EBF1: variants seen among roughly 807,000 people sequenced by gnomAD.
EBF1 encodes transcription factor COE1.
Under a neutral mutation model 68.4 loss-of-function variants are expected in EBF1, and 10 were observed. The ratio of observed to expected loss-of-function variants is 0.15; its 90% CI spans 0.09 to 0.25. The LOEUF is 0.25. Among genes scored for constraint, EBF1 ranks in the 10% least tolerant of loss-of-function variants. The pLI is 1.00. For synonymous variants in EBF1, 298 were observed against 299.8 expected, an observed-to-expected ratio of 0.99 and a Z score of 0.06; for missense variants, 509 against 794.4, an observed-to-expected ratio of 0.64 and a Z score of 4.32.
chr5:158,758,074 C>T (rs1229284374), intron 10 of EBF1, among the ~76,000 whole-genome samples: 2 of 152,112 alleles, frequency 1.3e-5, no homozygotes, highest in Admixed American at 6.6e-5. Flanking sequence ...GTACTTTACT[C>T]GTATTATTTC....
chr5:158,767,620 A>AGGGGGT (rs1773014250), intron 10 of EBF1, among the ~76,000 whole-genome samples: 2 of 94,822 alleles, frequency 2.1e-5, no homozygotes, highest in African/African-American at 8.3e-5. Flanking sequence ...GGGTGGCACC[A>AGGGGGT]GGGGGTGGGG....
chr5:158,696,004 A>AT lies in EBF1; in HGVS notation c.*3106dup, dbSNP rs1182918041. 1.6e-5 allele frequency: 3 copies of AT among 193,200 alleles called. No homozygotes were observed. Among genetic ancestry groups the AT allele is most frequent in the East Asian group, 1.6e-4 (2 of 12,400 alleles). The allele number at this position is 193,200 out of a possible 1,614,324, so 12.0% of individuals were successfully genotyped here. On this transcript the variant is annotated 3_prime_UTR_variant, in exon 16 of 16. Coordinates refer to ENST00000313708, the MANE Select transcript of EBF1 (RefSeq NM_024007.5). ...GAATTTTTGCAAAAAAAAAAAAAAA[A>AT]TTTAACAATCTCTACAGTAGTTAGG...
At chr5:158,941,209 G>A (rs1254529484) in intron 6 of EBF1, 1 of 455,840 alleles carries the variant, frequency 2.2e-6, no homozygotes, top group African/African-American at 2.0e-5. Context: ...ACTCATTCCA[G>A]ACACACACAT....
chr5:158,811,367 G>A (rs1217455331), intron 8 of EBF1, among the ~76,000 whole-genome samples: 1 of 152,148 alleles, frequency 6.6e-6, no homozygotes, highest in Admixed American at 6.5e-5. Context: ...TTCTCTCCAC[G>A]TCTGAAGTCC....
chr5:159,096,657 C>G (rs571176895), intron 2 of EBF1: 4 of 606,758 alleles, frequency 6.6e-6, no homozygotes, highest in Non-Finnish European at 1.2e-5. Flanking sequence ...CCTAGGGGCT[C>G]GTGCCCCGGC....
chr5:159,048,233 G>C (rs1772825446), intron 6 of EBF1, among the ~76,000 whole-genome samples: 1 of 152,174 alleles, frequency 6.6e-6, no homozygotes, highest in Non-Finnish European at 1.5e-5. Flanking sequence ...CAAGTACGCA[G>C]TAGGTACTCA....
At chr5:158,860,367 C>A (rs150675218) in intron 6 of EBF1, among the ~76,000 whole-genome samples, 1 of 152,152 alleles carries the variant, frequency 6.6e-6, no homozygotes, top group African/African-American at 2.4e-5. Flanking sequence ...TTCTTGTTCA[C>A]GACACTATTT....
intron 10 of EBF1, among the ~76,000 whole-genome samples, chr5:158,742,658 T>C (rs1318660989): frequency 6.6e-6 from 1 of 152,154 alleles, no homozygotes; most frequent in East Asian, 1.9e-4. Flanking sequence ...CAGGAAGATG[T>C]GGGGTTCTAG....
At chr5:159,009,124 T>C (rs909684597) in intron 6 of EBF1, among the ~76,000 whole-genome samples, 1 of 152,176 alleles carries the variant, frequency 6.6e-6, no homozygotes, top group African/African-American at 2.4e-5. Flanking sequence ...CCCTTTTTAA[T>C]TTATGAAGGA....
chr5:158,858,925 T>C (rs1794526116), intron 6 of EBF1, among the ~76,000 whole-genome samples: 1 of 152,096 alleles, frequency 6.6e-6, no homozygotes, highest in Non-Finnish European at 1.5e-5. Flanking sequence ...GTGAACAAAA[T>C]GGGCAGCTGT....
chr5:158,741,455 G>T (rs1766393298), intron 10 of EBF1, among the ~76,000 whole-genome samples: 1 of 151,774 alleles, frequency 6.6e-6, no homozygotes, highest in African/African-American at 2.4e-5. Context: ...TATGACTGTG[G>T]TTCCAGCTAC....
intron 10 of EBF1, among the ~76,000 whole-genome samples, chr5:158,766,323 A>T (rs546432169): frequency 6.6e-6 from 1 of 152,320 alleles, no homozygotes; most frequent in East Asian, 1.9e-4. Flanking sequence ...AGAAGAGACT[A>T]TAATGGGAGA....
At chr5:158,849,285 A>T (rs1355850678) in intron 6 of EBF1, among the ~76,000 whole-genome samples, 1 of 152,120 alleles carries the variant, frequency 6.6e-6, no homozygotes, top group Non-Finnish European at 1.5e-5. Context: ...CCTACTCTTC[A>T]CTTTTCAGCA....
intron 6 of EBF1, among the ~76,000 whole-genome samples, chr5:158,957,877 C>T (rs900560406): frequency 9.8e-5 from 15 of 152,352 alleles, no homozygotes; most frequent in Admixed American, 9.1e-4. Context: ...AGACCCTCAA[C>T]TGAAGTGGTC....
At chr5:158,891,904 ATATT>A (rs979069344) in intron 6 of EBF1, among the ~76,000 whole-genome samples, 8 of 152,018 alleles carry the variant, frequency 5.3e-5, no homozygotes, top group Admixed American at 1.3e-4. Context: ...TTTTTAAAAA[ATATT>A]TATTTATTTA....
At chr5:158,753,286 A>G (rs1413373678) in intron 10 of EBF1, among the ~76,000 whole-genome samples, 1 of 152,104 alleles carries the variant, frequency 6.6e-6, no homozygotes, top group Non-Finnish European at 1.5e-5. Context: ...GGCTTTGTGT[A>G]TCTCCATCTT....
At chr5:159,078,824 C>T (rs550065891) in intron 5 of EBF1, among the ~76,000 whole-genome samples, 3 of 152,266 alleles carry the variant, frequency 2.0e-5, no homozygotes, top group South Asian at 4.2e-4. Context: ...CAGAGAAAAG[C>T]GAACTTATGA....
chr5:158,969,796 AAGAG>A (rs1234772688), intron 6 of EBF1, among the ~76,000 whole-genome samples: 4 of 148,842 alleles, frequency 2.7e-5, no homozygotes, highest in East Asian at 2.0e-4. Context: ...AAAAAGAAGA[AAGAG>A]AGAGAGAGAA....
intron 6 of EBF1, among the ~76,000 whole-genome samples, chr5:158,909,321 G>T (rs1805382062): frequency 6.6e-6 from 1 of 151,994 alleles, no homozygotes; most frequent in South Asian, 2.1e-4. Context: ...TTTGGAGAGG[G>T]GTTCTGTTTG....
Sources: gnomAD v4.1 joint callset for allele counts (sites outside exome capture counted in the v4.1 genomes callset) on GRCh38, gnomAD v4.1.1 for gene constraint, MANE v1.5 for transcripts, NCBI Gene and HGNC (gene_info 2026-07-23, HGNC 2026-07-21) for gene names.